DCAF10: variants seen among roughly 807,000 people sequenced by gnomAD.
DCAF10 encodes DDB1 and CUL4 associated factor 10.
DCAF10 carries 19 observed loss-of-function variants against 51.9 expected under a neutral mutation model. The ratio of observed to expected loss-of-function variants is 0.37; its 90% CI spans 0.26 to 0.54. DCAF10 has a LOEUF of 0.54. Ranked by LOEUF, DCAF10 falls within the 20% of genes least tolerant of loss-of-function variation. DCAF10 has a pLI of 0.87. For synonymous variants in DCAF10, 291 were observed against 297.1 expected (o/e 0.98, Z 0.21); for missense variants, 510 against 730.6 (o/e 0.70, Z 3.48).
intron 1 of DCAF10, among the ~76,000 whole-genome samples, chr9:37,803,515 C>T (rs925517985): frequency 1.3e-5 from 2 of 151,816 alleles, no homozygotes; most frequent in African/African-American, 4.8e-5. Flanking sequence ...TACTAATTCT[C>T]ATTACTATAT....
intron 3 of DCAF10, among the ~76,000 whole-genome samples, chr9:37,843,501 A>T (rs1830392192): frequency 6.6e-6 from 1 of 152,220 alleles, no homozygotes; most frequent in Admixed American, 6.5e-5. Context: ...GAATAGAAAT[A>T]TAAATGTAAC....
At chr9:37,848,965 T>C (rs1461126127) in intron 3 of DCAF10, among the ~76,000 whole-genome samples, 1 of 135,788 alleles carries the variant, frequency 7.4e-6, no homozygotes, top group East Asian at 2.0e-4. Context: ...ACAGCGAGAC[T>C]CTGTCTCAAA....
At chr9:37,821,373 T>C (rs2117853499) in intron 2 of DCAF10, among the ~76,000 whole-genome samples, 1 of 152,230 alleles carries the variant, frequency 6.6e-6, no homozygotes, top group East Asian at 1.9e-4. Context: ...AAAGAGAGCT[T>C]AAAAACTGAA....
At chr9:37,860,020 C>T (rs1213857209) in intron 5 of DCAF10, 28 bp from the exon 6 acceptor site, 2 of 1,613,034 alleles carry the variant, frequency 1.2e-6, no homozygotes, top group Non-Finnish European at 1.7e-6. Flanking sequence ...TAATACAAAT[C>T]CCACATCCTC....
intron 2 of DCAF10, among the ~76,000 whole-genome samples, chr9:37,821,974 C>G (rs1478676470): frequency 6.6e-6 from 1 of 151,808 alleles, no homozygotes; most frequent in Non-Finnish European, 1.5e-5. Flanking sequence ...AGATAATTCT[C>G]AGAAGAATAA....
In DCAF10 at chr9:37,806,163, T is replaced by G. The variant is rs183633764; in HGVS notation, c.539+4758T>G. Among the ~76,000 whole-genome samples, 3 of 152,328 alleles carry G rather than the reference T, an allele frequency of 2.0e-5. No homozygotes were observed. In the East Asian group the frequency reaches 5.8e-4, roughly 29 times the overall value. ...CTCTTAATGGCATTCGTAGACTACATTCAGGCCTGCTATTCAGCTGATACT... is the reference window on the plus strand; with the variant it reads ...CTCTTAATGGCATTCGTAGACTACAGTCAGGCCTGCTATTCAGCTGATACT... On this transcript the variant is annotated intron_variant, in intron 1 of 6. Coordinates refer to ENST00000377724, the MANE Select transcript of DCAF10 (RefSeq NM_024345.5).
At chr9:37,855,141 T>C (rs1028105992) in intron 4 of DCAF10, among the ~76,000 whole-genome samples, 159 bp downstream of exon 4, 1 of 152,232 alleles carries the variant, frequency 6.6e-6, no homozygotes, top group Non-Finnish European at 1.5e-5. Context: ...TCTAAGCAAG[T>C]ATAATGATTT....
At chr9:37,839,776 C>A (rs1231491057) in intron 2 of DCAF10, among the ~76,000 whole-genome samples, 6 of 152,190 alleles carry the variant, frequency 3.9e-5, no homozygotes, top group Admixed American at 3.9e-4. Context: ...TCTTTCCCAG[C>A]CACCCTCTTT....
chr9:37,818,238 C>G (rs912413705), intron 1 of DCAF10, among the ~76,000 whole-genome samples: 2 of 152,190 alleles, frequency 1.3e-5, no homozygotes, highest in Non-Finnish European at 2.9e-5. Context: ...TTGTGATCCA[C>G]CCACCTCGGT....
Position 37,819,357 on chromosome 9 carries a change from A to G in DCAF10, c.609A>G (p.Ile203Met). 1 of 1,613,886 alleles carries G rather than the reference A, an allele frequency of 6.2e-7. No individual in the cohort carries two copies. Residue 203 changes from isoleucine (I) to methionine (M), a missense_variant, in exon 2 of 7, where the codon ATA (isoleucine) becomes ATG (methionine). Transcript: ENST00000377724. ...LLFDPISSKH[I>M]KTLSEAHEDC... is the part of the protein sequence containing the mutation. ...TTGACCCTATATCTTCAAAGCACAT[A>G]AAAACACTTTCTGAAGCTCATGAAG...
chr9:37,803,164 C>T (rs569369476), intron 1 of DCAF10, among the ~76,000 whole-genome samples: 10 of 152,176 alleles, frequency 6.6e-5, no homozygotes, highest in East Asian at 1.9e-4. Context: ...AACATATATG[C>T]TCATTGTGTA....
chr9:37,846,640 A>T (rs930187204), intron 3 of DCAF10, among the ~76,000 whole-genome samples: 4 of 152,104 alleles, frequency 2.6e-5, no homozygotes, highest in Non-Finnish European at 5.9e-5. Flanking sequence ...TATTCTTAGT[A>T]GAGACAGGGT....
At chr9:37,830,671 A>G (rs569680209) in intron 2 of DCAF10, among the ~76,000 whole-genome samples, 2 of 152,332 alleles carry the variant, frequency 1.3e-5, no homozygotes, top group East Asian at 3.9e-4. Flanking sequence ...TATATTTTTC[A>G]TAGTTTTCTC....
Position 37,857,325 on chromosome 9 carries a change from A to G in DCAF10, c.1139A>G (p.His380Arg). The change falls in exon 5 of 7, where the codon CAC (histidine) becomes CGC (arginine). Residue 380 changes from histidine (H) to arginine (R), a missense_variant. Around this residue, in one of 4 missense-constraint regions of DCAF10, gnomAD observed 29 missense variants for 24.9 expected, o/e 1.16. Coordinates refer to ENST00000377724, the MANE Select transcript of DCAF10 (RefSeq NM_024345.5). The part of the protein sequence containing the change: ...HHSDSNSSEK[H>R]MSRASQREGV... ...AGTGATTCTAATTCTTCTGAGAAAC[A>G]CATGTCACGAGCCTCTCAAAGAGAA... The G allele has an allele frequency of 6.2e-7, 1 of 1,610,432 alleles. No individual in the cohort carries two copies. Among genetic ancestry groups the G allele is most frequent in the Non-Finnish European group, 8.5e-7 (1 of 1,178,734 alleles).
At chr9:37,857,111 C>A in intron 4 of DCAF10, 130 bp from the exon 5 acceptor site, 1 of 607,198 alleles carries the variant, frequency 1.6e-6, no homozygotes. Context: ...CTTCCTCAGT[C>A]TTATAGGCCA....
intron 3 of DCAF10, among the ~76,000 whole-genome samples, chr9:37,847,603 C>G (rs1349440786): frequency 4.6e-5 from 7 of 152,120 alleles, no homozygotes; most frequent in Non-Finnish European, 8.8e-5. Context: ...AGATGGGAAG[C>G]AAGGCTCTCA....
At chr9:37,827,551 A>G (rs965180319) in intron 2 of DCAF10, among the ~76,000 whole-genome samples, 1 of 152,104 alleles carries the variant, frequency 6.6e-6, no homozygotes, top group African/African-American at 2.4e-5. Context: ...TATATTTCTA[A>G]TATGTAGTTG....
At chr9:37,833,370 C>T (rs1481584460) in intron 2 of DCAF10, among the ~76,000 whole-genome samples, 3 of 151,960 alleles carry the variant, frequency 2.0e-5, no homozygotes, top group Non-Finnish European at 4.4e-5. Flanking sequence ...AATTTAATAC[C>T]CAGATAAACA....
At chr9:37,816,845 TAATCTGTAAAGTCAGTGCATTTCA>T (rs1829555009) in intron 1 of DCAF10, among the ~76,000 whole-genome samples, 1 of 152,208 alleles carries the variant, frequency 6.6e-6, no homozygotes, top group Non-Finnish European at 1.5e-5. Context: ...TCTACCTAAG[TAATCTGTAAAGTCAGTGCATTTCA>T]ATAAAATTTC....
Sources: allele counts gnomAD v4.1 joint callset (sites outside exome capture counted in the v4.1 genomes callset), GRCh38; gene constraint gnomAD v4.1.1; regional missense constraint gnomAD v4.1.1; transcripts MANE v1.5; gene names NCBI Gene and HGNC (gene_info 2026-07-23, HGNC 2026-07-21).